Variants in N4BP2 observed in about 807,000 individuals in gnomAD.
The protein encoded by N4BP2 is NEDD4 binding protein 2, also known as NEDD4-binding protein 2.
In N4BP2, 91 loss-of-function variants were observed where a neutral mutation model predicts 152.8. That is an observed-to-expected ratio of 0.60 (90% CI 0.50 to 0.71). The LOEUF is 0.71. Ranked by LOEUF, N4BP2 falls within the 30% of genes least tolerant of loss-of-function variation. The pLI, the probability that N4BP2 is intolerant of heterozygous loss-of-function variation, is 0.00. For synonymous variants in N4BP2, 646 were observed against 705.3 expected, an observed-to-expected ratio of 0.92 and a Z score of 1.33; for missense variants, 1,923 against 2,059.1, an observed-to-expected ratio of 0.93 and a Z score of 1.28.
intron 5 of N4BP2, among the ~76,000 whole-genome samples, chr4:40,110,315 G>A (rs1421158744): frequency 6.6e-6 from 1 of 152,202 alleles, no homozygotes; most frequent in Non-Finnish European, 1.5e-5. Flanking sequence ...TTTAGGAACT[G>A]CCATGCTGTT....
At chr4:40,081,425 T>A (rs764216909) in intron 2 of N4BP2, among the ~76,000 whole-genome samples, 4 of 151,684 alleles carry the variant, frequency 2.6e-5, no homozygotes, top group Non-Finnish European at 5.9e-5. Flanking sequence ...GTGGGCGGAT[T>A]ACCTGAGGTC....
chr4:40,180,445 C>T, the N4BP2 span, among the ~76,000 whole-genome samples: 2 of 152,114 alleles, frequency 1.3e-5, no homozygotes, highest in Admixed American at 1.3e-4. Flanking sequence ...TAGTTAGTCA[C>T]TCTCATACAT....
rs189946091 is a variant in N4BP2, at chr4:40,060,807, G to T, written c.-212+3777G>T. On this transcript the variant is annotated intron_variant, in intron 1 of 17. Transcript: ENST00000261435. ...TTTTGTAGAGACAGGGTCTCGCTGTGTTGCTTAGGCTGGTCACAAACTTGT... is the reference window on the plus strand; with the variant it reads ...TTTTGTAGAGACAGGGTCTCGCTGTTTTGCTTAGGCTGGTCACAAACTTGT... Among the ~76,000 whole-genome samples the T allele has an allele frequency of 2.4e-4, 37 of 151,960 alleles. No homozygotes were observed. In the East Asian group the frequency reaches 6.2e-3, roughly 26 times the overall value.
At position 40,102,141 on chromosome 4, in the gene N4BP2, C is replaced by T; in HGVS notation, c.296C>T (p.Ser99Leu). ...ATDTKIEESS[S>L]QSFVASENQV... ...GATACCAAGATAGAAGAATCATCTT[C>T]ACAAAGTTTCGTTGCTTCTGAGAAC... Residue 99 changes from serine to leucine, a missense_variant, in exon 4 of 18, where the codon TCA becomes TTA. Transcript: ENST00000261435. 6.2e-7 allele frequency: 1 copy of T among 1,613,000 alleles called. No homozygotes were observed.
chr4:40,133,902 C>T (rs930876528), intron 13 of N4BP2, among the ~76,000 whole-genome samples: 1 of 152,066 alleles, frequency 6.6e-6, no homozygotes, highest in Admixed American at 6.6e-5. Context: ...ACCTCCTAAG[C>T]TCAAGTGATC....
intron 2 of N4BP2, among the ~76,000 whole-genome samples, chr4:40,094,886 T>G (rs915185621): frequency 2.0e-5 from 3 of 151,616 alleles, no homozygotes; most frequent in African/African-American, 7.3e-5. Context: ...CTCTGTCTCC[T>G]GGGTTCAAGC....
chr4:40,096,974 C>T (rs979027961), intron 2 of N4BP2, among the ~76,000 whole-genome samples: 6 of 152,178 alleles, frequency 3.9e-5, no homozygotes, highest in East Asian at 3.9e-4. Context: ...TGAAGACTTT[C>T]GTGTTTTTAA....
At chr4:40,153,775 C>G (rs915266812) in intron 17 of N4BP2, among the ~76,000 whole-genome samples, 1 of 152,180 alleles carries the variant, frequency 6.6e-6, no homozygotes, top group African/African-American at 2.4e-5. Flanking sequence ...ATTTTAGAGA[C>G]TAGTCTTCCT....
chr4:40,184,914 C>CA, the N4BP2 span, among the ~76,000 whole-genome samples: 180 of 151,898 alleles, frequency 1.2e-3, no homozygotes, highest in African/African-American at 4.1e-3. Flanking sequence ...CGACATTGCG[C>CA]CACTGCACTC....
At chr4:40,070,725 A>C (rs1263376082) in intron 1 of N4BP2, among the ~76,000 whole-genome samples, 2 of 152,288 alleles carry the variant, frequency 1.3e-5, no homozygotes, top group African/African-American at 4.8e-5. Context: ...TGCTGGGATT[A>C]CAGGCATGTG....
chr4:40,126,357 A>G (rs756894036), intron 12 of N4BP2, 27 bp downstream of exon 12: 9 of 1,153,910 alleles, frequency 7.8e-6, no homozygotes, highest in Middle Eastern at 2.8e-4. Flanking sequence ...ATATTAAGCT[A>G]CTGTCTCTGA....
rs1720404358 is a variant in N4BP2, at chr4:40,145,219, TTTG to T, written c.5143+422_5143+424del. Among the ~76,000 whole-genome samples, 5 of 151,404 alleles carry T rather than the reference TTTG, an allele frequency of 3.3e-5. No individual in the cohort carries two copies. The South Asian group carries it at 1.0e-3, about 32-fold the overall frequency. ...AGGATTCTCCCACTCCAGTAGTTTT[TTTG>T]TTTGTTTGTTTCTTTTTCTGAGACA... On this transcript the variant is annotated intron_variant, in intron 16 of 17. Transcript: ENST00000261435.
intron 2 of N4BP2, among the ~76,000 whole-genome samples, chr4:40,076,859 A>AG (rs1360179181): frequency 6.6e-6 from 1 of 152,142 alleles, no homozygotes; most frequent in Non-Finnish European, 1.5e-5. Flanking sequence ...TTCTTATCAC[A>AG]GTAGTATTTT....
chr4:40,147,897 C>T (rs1477523287), intron 16 of N4BP2, among the ~76,000 whole-genome samples: 9 of 151,592 alleles, frequency 5.9e-5, no homozygotes, highest in African/African-American at 1.5e-4. Flanking sequence ...GACGGGGCGG[C>T]GGGGCAGAGG....
chr4:40,092,011 TATATATATATATATATATA>T (rs1714633897), intron 2 of N4BP2, among the ~76,000 whole-genome samples: 1 of 30,192 alleles, frequency 3.3e-5, no homozygotes, highest in African/African-American at 1.3e-4. Context: ...AAAAAAATTA[TATATATATATATATATATA>T]TATATATATA....
At chr4:40,144,323 G>A (rs1244154930) in intron 15 of N4BP2, among the ~76,000 whole-genome samples, 1 of 152,162 alleles carries the variant, frequency 6.6e-6, no homozygotes. Context: ...CCTCAGTCCA[G>A]TCAAATTGAT....
intron 6 of N4BP2, among the ~76,000 whole-genome samples, 171 bp from the exon 7 acceptor site, chr4:40,113,261 T>C (rs1228980039): frequency 6.6e-6 from 1 of 152,226 alleles, no homozygotes; most frequent in Non-Finnish European, 1.5e-5. Flanking sequence ...TATCAGTAGC[T>C]AAATTTCTAA....
intron 7 of N4BP2, among the ~76,000 whole-genome samples, chr4:40,113,820 G>C (rs1458322935): frequency 2.0e-5 from 3 of 152,082 alleles, no homozygotes; most frequent in Admixed American, 6.6e-5. Context: ...TTGAACTCCT[G>C]GCCTCAAGCG....
At chr4:40,061,789 C>T (rs556922284) in intron 1 of N4BP2, among the ~76,000 whole-genome samples, 77 of 151,468 alleles carry the variant, frequency 5.1e-4, no homozygotes, top group African/African-American at 1.8e-3. Flanking sequence ...CTCAGCCTCC[C>T]GAGTAGCTGG....
Sources: allele counts gnomAD v4.1 joint callset (sites outside exome capture counted in the v4.1 genomes callset), GRCh38; gene constraint gnomAD v4.1.1; transcripts MANE v1.5; gene names NCBI Gene and HGNC (gene_info 2026-07-23, HGNC 2026-07-21).